The following PTER variants were observed in gnomAD, a reference collection of about 807,000 sequenced individuals.
PTER encodes N-acetyltaurine hydrolase.
In PTER, 38 loss-of-function variants were observed where a neutral mutation model predicts 29.6. The ratio of observed to expected loss-of-function variants is 1.28; its 90% CI spans 0.99 to 1.68. The LOEUF is 1.68. PTER is among the 40% of genes most tolerant of loss of function. The probability of loss-of-function intolerance (pLI) is 0.00; values close to 1 mark genes in which losing one functional copy is unlikely to be tolerated. For synonymous variants in PTER, 172 were observed against 154.5 expected, an observed-to-expected ratio of 1.11 and a Z score of -0.84; for missense variants, 482 against 427.8, an observed-to-expected ratio of 1.13 and a Z score of -1.12.
downstream of PTER, among the ~76,000 whole-genome samples, chr10:16,517,889 T>C (rs1836978620): frequency 6.6e-6 from 1 of 152,238 alleles, no homozygotes; most frequent in South Asian, 2.1e-4. Flanking sequence ...GTTAATTTAC[T>C]GGTCTTTGAT....
chr10:16,444,416 A>C (rs1447014633), intron 1 of PTER, among the ~76,000 whole-genome samples: 1 of 150,346 alleles, frequency 6.7e-6, no homozygotes, highest in African/African-American at 2.4e-5. Context: ...ACAGGTGCTC[A>C]ATACCTCAAT....
chr10:16,444,542 G>T (rs1833953767), intron 1 of PTER, among the ~76,000 whole-genome samples: 2 of 152,120 alleles, frequency 1.3e-5, no homozygotes, highest in South Asian at 4.2e-4. Flanking sequence ...CTGGCACAGG[G>T]ATGCACCTGG....
chr10:16,514,469 A>G, downstream of PTER: 1 of 1,458,538 alleles, frequency 6.9e-7, no homozygotes, highest in African/African-American at 1.4e-5. Context: ...TGATTCACTG[A>G]CGTTAGCCAT....
chr10:16,456,870 G>GC lies in PTER; in HGVS notation c.-49+19823_-49+19824insC, dbSNP rs1564388399. ...CTGAACCATGGGGAAGGTGGGGGGG[G>GC]GTTCCGCCATGCTGTTCTCGTGGTA... is the stretch of plus-strand genomic sequence containing the variant. On this transcript the variant is annotated intron_variant, in intron 1 of 4. Coordinates refer to ENST00000535784, the MANE Select transcript of PTER (RefSeq NM_001261836.2). 4.7e-5 allele frequency among the ~76,000 whole-genome samples: 7 copies of GC among 149,578 alleles called. No homozygotes were observed. In the East Asian group the frequency reaches 1.2e-3, roughly 25 times the overall value.
chr10:16,463,478 C>T (rs9664507), intron 1 of PTER, among the ~76,000 whole-genome samples: 2,634 of 152,264 alleles, frequency 0.017, 78 homozygotes, highest in African/African-American at 0.06. Flanking sequence ...ATGGCAGGCG[C>T]GATCTTGGCT....
chr10:16,517,715 A>G (rs546386360), downstream of PTER, among the ~76,000 whole-genome samples: 15 of 152,284 alleles, frequency 9.9e-5, no homozygotes, highest in South Asian at 2.7e-3. Context: ...TGTGTCTGCA[A>G]TAGGTTTCAT....
intron 1 of PTER, among the ~76,000 whole-genome samples, chr10:16,468,798 AC>A (rs11318480): frequency 0.22 from 33,109 of 151,926 alleles, 3,806 homozygotes; most frequent in Middle Eastern, 0.37. Context: ...ACACAGGGAG[AC>A]CCCTTTCTCT....
intron 1 of PTER, among the ~76,000 whole-genome samples, chr10:16,450,164 G>T (rs1834154795): frequency 6.6e-6 from 1 of 152,102 alleles, no homozygotes; most frequent in Non-Finnish European, 1.5e-5. Flanking sequence ...CCCCCTCATG[G>T]GTCATACTCT....
At chr10:16,452,853 A>C (rs754643945) in intron 1 of PTER, among the ~76,000 whole-genome samples, 3 of 152,082 alleles carry the variant, frequency 2.0e-5, no homozygotes, top group Non-Finnish European at 4.4e-5. Context: ...CCCAGGTTCA[A>C]GTGATTCTCC....
intron 1 of PTER, among the ~76,000 whole-genome samples, chr10:16,438,387 C>T (rs1173607962): frequency 6.6e-6 from 1 of 151,922 alleles, no homozygotes; most frequent in Non-Finnish European, 1.5e-5. Context: ...ACCTTCACTT[C>T]CCCCGTTCAA....
intron 2 of PTER, 90 bp from the exon 3 acceptor site, chr10:16,486,261 CA>C (rs1213365987): frequency 4.6e-6 from 6 of 1,316,436 alleles, no homozygotes; most frequent in Non-Finnish European, 6.2e-6. Flanking sequence ...GAATGAATGA[CA>C]AAATAAATAA....
intron 3 of PTER, among the ~76,000 whole-genome samples, chr10:16,501,324 TAACTAC>T (rs1836329862): frequency 7.6e-6 from 1 of 131,526 alleles, no homozygotes; most frequent in East Asian, 2.2e-4. Context: ...AAAAAATGAA[TAACTAC>T]ACACACACAC....
chr10:16,501,344 CACACACACACACACACACACACACAT>C (rs1836333262), intron 3 of PTER, among the ~76,000 whole-genome samples: 1 of 110,832 alleles, frequency 9.0e-6, no homozygotes, highest in Non-Finnish European at 1.8e-5. Context: ...CACACACACA[CACACACACACACACACACACACACAT>C]GCACACACAC....
chr10:16,441,478 A>G (rs912367292), intron 1 of PTER, among the ~76,000 whole-genome samples: 2 of 152,142 alleles, frequency 1.3e-5, no homozygotes, highest in African/African-American at 4.8e-5. Flanking sequence ...TTTGCTGTTA[A>G]TGTCCTAGGG....
At chr10:16,498,540 G>A (rs1167078676) in intron 3 of PTER, among the ~76,000 whole-genome samples, 2 of 152,254 alleles carry the variant, frequency 1.3e-5, no homozygotes, top group East Asian at 1.9e-4. Context: ...CCAAGATCGC[G>A]CCACTGCACT....
At chr10:16,502,326 A>C (rs1418828101) in intron 3 of PTER, among the ~76,000 whole-genome samples, 1 of 152,184 alleles carries the variant, frequency 6.6e-6, no homozygotes, top group African/African-American at 2.4e-5. Flanking sequence ...TGTTTTTTTC[A>C]AGTATGGTTC....
At chr10:16,493,860 TA>T (rs530741916) in intron 3 of PTER, among the ~76,000 whole-genome samples, 18 of 131,830 alleles carry the variant, frequency 1.4e-4, no homozygotes, top group Non-Finnish European at 2.0e-4. Flanking sequence ...GTTATGGTGA[TA>T]ATTAATAATT....
At chr10:16,494,625 C>T (rs538499232) in intron 3 of PTER, among the ~76,000 whole-genome samples, 95 of 152,264 alleles carry the variant, frequency 6.2e-4, no homozygotes, top group Non-Finnish European at 1.0e-3. Context: ...TTAATGCAAA[C>T]GTACCACTCT....
At chr10:16,469,398 A>G (rs901490809) in intron 1 of PTER, among the ~76,000 whole-genome samples, 2 of 152,196 alleles carry the variant, frequency 1.3e-5, no homozygotes, top group Non-Finnish European at 2.9e-5. Flanking sequence ...AGCGCTGTAT[A>G]GGCTTCCTAA....
Sources: allele counts gnomAD v4.1 joint callset (sites outside exome capture counted in the v4.1 genomes callset), GRCh38; gene constraint gnomAD v4.1.1; transcripts MANE v1.5; gene names NCBI Gene and HGNC (gene_info 2026-07-23, HGNC 2026-07-21).